Variants in SS18L1 observed in about 807,000 individuals in gnomAD.
SS18L1 encodes the protein SS18L1 subunit of BAF chromatin remodeling complex.
A neutral mutation model predicts 70.3 loss-of-function variants in SS18L1; 32 were observed. The ratio of observed to expected loss-of-function variants is 0.46; its 90% CI spans 0.34 to 0.61. The LOEUF is 0.61. Ranked by LOEUF, SS18L1 falls within the 20% of genes least tolerant of loss-of-function variation. The pLI is 0.01. For synonymous variants in SS18L1, 237 were observed against 229.7 expected, an observed-to-expected ratio of 1.03 and a Z score of -0.29; for missense variants, 430 against 542.1, an observed-to-expected ratio of 0.79 and a Z score of 2.05.
At chr20:62,176,514 TAAAAAAA>T (rs1395991678) in intron 10 of SS18L1, among the ~76,000 whole-genome samples, 3 of 150,052 alleles carry the variant, frequency 2.0e-5, no homozygotes, top group Non-Finnish European at 4.4e-5. Flanking sequence ...GACTTTGTCT[TAAAAAAA>T]GGAAAAAGAA....
rs1304206042 is a variant in SS18L1 at position 62,163,543 on chromosome 20, C to T, written c.642C>T (p.Ile214=). Residue 214 remains isoleucine (I), a synonymous_variant, in exon 6 of 11, where the codon ATC becomes ATT. Transcript: ENST00000331758. The stretch of plus-strand genomic sequence containing the variant: ...AGCACTACCAGGGCCAGTCGTCCAT[C>T]GCCATGATGGGGCAGGGCAGCCAGG... ...GSQHYQGQSS[I]AMMGQGSQGS... 18 of 1,611,340 alleles carry T rather than the reference C, an allele frequency of 1.1e-5. 1 individual carries two copies. Among genetic ancestry groups the T allele is most frequent in the East Asian group, 2.2e-5 (1 of 44,876 alleles).
rs1214077233 is a variant in SS18L1 at position 62,179,459 on chromosome 20, T to C, written c.*251T>C. On this transcript the variant is annotated 3_prime_UTR_variant, in exon 11 of 11. Coordinates refer to ENST00000331758, the MANE Select transcript of SS18L1 (RefSeq NM_198935.3). ...TATGTCGGTACACGGAGAGGTATCC[T>C]TTTTTTGTCCCCCGCCCCCTTCTCA... The C allele has an allele frequency of 9.5e-6, 5 of 524,934 alleles. No individual in the cohort carries two copies. The highest frequency in any genetic ancestry group is 1.7e-5 in the Non-Finnish European group (5 of 292,446). 32.5% of individuals were successfully genotyped at this position (524,934 alleles called of 1,614,324 possible).
At chr20:62,167,034 G>GTTTTTTTTT (rs1235961398) in intron 8 of SS18L1, among the ~76,000 whole-genome samples, 4 of 123,496 alleles carry the variant, frequency 3.2e-5, no homozygotes, top group South Asian at 3.0e-4. Flanking sequence ...GAGCTCAGGA[G>GTTTTTTTTT]TTTGTTTGTT....
intron 6 of SS18L1, among the ~76,000 whole-genome samples, 199 bp from the exon 7 acceptor site, chr20:62,163,946 G>A (rs529152927): frequency 6.6e-6 from 1 of 152,278 alleles, no homozygotes; most frequent in South Asian, 2.1e-4. Flanking sequence ...GAGGCCAGGT[G>A]CTCAAGACCA....
At position 62,158,610 on chromosome 20, in the gene SS18L1, G is replaced by C; in HGVS notation, c.70-62G>C. ...GAAAACTAGATGTGTAGCGATGGCTGTTCATCCCGAGGGTCAGCGACAGCC... is the reference window on the plus strand; with the variant it reads ...GAAAACTAGATGTGTAGCGATGGCTCTTCATCCCGAGGGTCAGCGACAGCC... On this transcript the variant is annotated intron_variant, in intron 1 of 10. Coordinates refer to ENST00000331758, the MANE Select transcript of SS18L1 (RefSeq NM_198935.3). The surrounding 1 kb of genome is among the most constrained non-coding windows in gnomAD (Gnocchi z 4.5). 6.3e-7 allele frequency: 1 copy of C among 1,588,084 alleles called. No homozygotes were observed. The highest frequency in any genetic ancestry group is 8.5e-7 in the Non-Finnish European group (1 of 1,170,090).
chr20:62,157,296 C>T (rs1249951665), intron 1 of SS18L1, among the ~76,000 whole-genome samples: 3 of 152,234 alleles, frequency 2.0e-5, no homozygotes, highest in Non-Finnish European at 2.9e-5. Context: ...GGCCTTGGGC[C>T]GCTTGATTTG....
intron 8 of SS18L1, among the ~76,000 whole-genome samples, chr20:62,170,385 T>A (rs1338040838): frequency 6.6e-6 from 1 of 152,150 alleles, no homozygotes. Context: ...GGGCGCCTGT[T>A]GTCCCAGCTA....
At chr20:62,163,406 G>T in intron 5 of SS18L1, 52 bp from the exon 6 acceptor site, 1 of 1,607,798 alleles carries the variant, frequency 6.2e-7, no homozygotes, top group Non-Finnish European at 8.5e-7. Context: ...GGTGTGGGAG[G>T]GAGGGCGGGA....
chr20:62,161,008 C>T lies in SS18L1; in HGVS notation c.232-428C>T, dbSNP rs911458570. On this transcript the variant is annotated intron_variant, in intron 3 of 10. Coordinates refer to ENST00000331758, the MANE Select transcript of SS18L1 (RefSeq NM_198935.3). The surrounding 1 kb of genome is among the most constrained non-coding windows in gnomAD (Gnocchi z 4.4). ...GGAAGGGGCACATGCAGCAGGAGCA[C>T]GGGAAACAGGAGAGGGATCCCACCT... Among the ~76,000 whole-genome samples, 3 of 151,602 alleles carry T rather than the reference C, an allele frequency of 2.0e-5. No individual in the cohort carries two copies. Among genetic ancestry groups the T allele is most frequent in the Non-Finnish European group, 2.9e-5 (2 of 67,958 alleles).
At position 62,143,814 on chromosome 20, in the gene SS18L1, C is replaced by T. The variant is rs374946407; in HGVS notation, c.-7C>T. The T allele has an allele frequency of 1.8e-5, 25 of 1,358,522 alleles. No homozygotes were observed. Among genetic ancestry groups the T allele is most frequent in the Non-Finnish European group, 2.4e-5 (25 of 1,026,058 alleles). The allele number at this position is 1,358,522 out of a possible 1,614,324, so 84.2% of individuals were successfully genotyped here. ...GATGACCACGGGCTGAGCCCCGCGCCGCCACCATGTCCGTGGCCTTCGCGT... is the reference window on the plus strand; with the variant it reads ...GATGACCACGGGCTGAGCCCCGCGCTGCCACCATGTCCGTGGCCTTCGCGT... On this transcript the variant is annotated 5_prime_UTR_variant, in exon 1 of 11. Transcript: ENST00000331758.
At chr20:62,172,362 C>G (rs899405192) in intron 8 of SS18L1, among the ~76,000 whole-genome samples, 4 of 151,936 alleles carry the variant, frequency 2.6e-5, no homozygotes, top group African/African-American at 7.3e-5. Flanking sequence ...TGCAAAGACC[C>G]TATGTCCAAA....
chr20:62,169,674 G>A (rs899993528), intron 8 of SS18L1, among the ~76,000 whole-genome samples: 13 of 152,072 alleles, frequency 8.5e-5, no homozygotes, highest in African/African-American at 3.1e-4. Flanking sequence ...AGCTGCTTGT[G>A]AGGCTGAGGT....
Position 62,162,846 on chromosome 20 carries a change from C to G in SS18L1, c.471C>G (p.Pro157=). The change falls in exon 5 of 11, where the codon CCC becomes CCG. Residue 157 remains proline (P), a synonymous_variant. Coordinates refer to ENST00000331758, the MANE Select transcript of SS18L1 (RefSeq NM_198935.3). ...GGCCCGGCTACAGCCACGCGGGACC[C>G]GCCTCGCAGGGCGTCCCCATGCAGG... ...ISGPGYSHAG[P]ASQGVPMQGQ... The G allele has an allele frequency of 6.2e-7, 1 of 1,612,882 alleles. No homozygotes were observed. Among genetic ancestry groups the G allele is most frequent in the Admixed American group, 1.7e-5 (1 of 60,006 alleles).
chr20:62,150,560 T>C (rs2057108226), intron 1 of SS18L1, among the ~76,000 whole-genome samples: 1 of 149,788 alleles, frequency 6.7e-6, no homozygotes, highest in African/African-American at 2.4e-5. Flanking sequence ...TTTCAATGTC[T>C]GTCCAAGCAG....
At chr20:62,162,091 C>T (rs535708391) in intron 4 of SS18L1, among the ~76,000 whole-genome samples, 15 of 152,126 alleles carry the variant, frequency 9.9e-5, no homozygotes, top group Non-Finnish European at 2.2e-4. Context: ...TGTGATGGTG[C>T]ACACTTGTAG....
In SS18L1 at chr20:62,159,273, C is replaced by T. The variant is rs764655612; in HGVS notation, c.146+525C>T. Among the ~76,000 whole-genome samples the T allele has an allele frequency of 6.6e-5, 10 of 152,160 alleles. No individual in the cohort carries two copies. The highest frequency in any genetic ancestry group is 1.3e-4 in the Non-Finnish European group (9 of 68,022). On this transcript the variant is annotated intron_variant, in intron 2 of 10. Coordinates refer to ENST00000331758, the MANE Select transcript of SS18L1 (RefSeq NM_198935.3). The surrounding 1 kb of genome is among the most constrained non-coding windows in gnomAD (Gnocchi z 4.4). ...TAGGGCCTGATGCGTAGGAGGGGTG[C>T]GTGGCCAGTCTGCCACCCTCCAAGC...
Position 62,178,779 on chromosome 20 carries a change from T to A in SS18L1, c.1165-403T>A, listed in dbSNP as rs573201506. Among the ~76,000 whole-genome samples, 3 of 152,326 alleles carry A rather than the reference T, an allele frequency of 2.0e-5. No homozygotes were observed. In the South Asian group the frequency reaches 6.2e-4, roughly 32 times the overall value. The stretch of plus-strand genomic sequence containing the variant: ...CAGCCTGGGTCTTTAGATTTTTTTT[T>A]ATAGATTGAAACCCATCACCCTGGT... On this transcript the variant is annotated intron_variant, in intron 10 of 10. Coordinates refer to ENST00000331758, the MANE Select transcript of SS18L1 (RefSeq NM_198935.3).
intron 1 of SS18L1, among the ~76,000 whole-genome samples, chr20:62,155,195 G>C (rs1329975290): frequency 2.0e-5 from 3 of 152,118 alleles, no homozygotes; most frequent in Non-Finnish European, 4.4e-5. Context: ...GAACCTAGGA[G>C]ATCGAGACCA....
At chr20:62,167,139 A>G (rs112084259) in intron 8 of SS18L1, among the ~76,000 whole-genome samples, 21,463 of 133,466 alleles carry the variant, frequency 0.16, 2,272 homozygotes, top group African/African-American at 0.32. Flanking sequence ...TCCGCCTCCC[A>G]GGTTCAAGCA....
Sources: gnomAD v4.1 joint callset for allele counts (sites outside exome capture counted in the v4.1 genomes callset) on GRCh38, gnomAD v4.1.1 for gene constraint, Gnocchi (gnomAD v3.1) non-coding constraint, MANE v1.5 for transcripts, NCBI Gene and HGNC (gene_info 2026-07-23, HGNC 2026-07-21) for gene names.